The following KPNA3 variants were observed in gnomAD, a reference collection of about 807,000 sequenced individuals.
The protein encoded by KPNA3 is importin subunit alpha-4.
A neutral mutation model predicts 73.8 loss-of-function variants in KPNA3; 13 were observed. The observed-to-expected ratio is 0.18, with a 90% CI of 0.11 to 0.28. The LOEUF (loss-of-function observed/expected upper bound fraction) is 0.28, where lower values mean the gene tolerates loss of function less well. Among genes scored for constraint, KPNA3 ranks in the 10% least tolerant of loss-of-function variants. The pLI is 1.00. For missense variants in KPNA3, 360 were observed against 618.1 expected (o/e 0.58, Z 4.43); for synonymous variants, 186 against 206.9 (o/e 0.90, Z 0.87).
At chr13:49,732,553 T>A (rs1594441171) in intron 5 of KPNA3, 52 bp downstream of exon 5, 2 of 1,478,118 alleles carry the variant, frequency 1.4e-6, no homozygotes, top group East Asian at 4.5e-5. Flanking sequence ...GACTACCAGG[T>A]AACACAACTG....
intron 1 of KPNA3, among the ~76,000 whole-genome samples, chr13:49,750,237 A>G (rs1188656790): frequency 6.6e-6 from 1 of 152,204 alleles, no homozygotes; most frequent in Non-Finnish European, 1.5e-5. Context: ...AGGTCCCAAC[A>G]GGAATGGTTT....
At chr13:49,711,318 T>C (rs926656636) in intron 10 of KPNA3, among the ~76,000 whole-genome samples, 1 of 152,186 alleles carries the variant, frequency 6.6e-6, no homozygotes, top group African/African-American at 2.4e-5. Flanking sequence ...AGAAAAGTAA[T>C]TCTCCCTGCC....
chr13:49,792,327 C>A lies in KPNA3; in HGVS notation c.69+111G>T, dbSNP rs1594469092. On this transcript the variant is annotated intron_variant, in intron 1 of 16. Coordinates refer to ENST00000261667, the MANE Select transcript of KPNA3 (RefSeq NM_002267.4). The stretch of plus-strand genomic sequence containing the variant: ...CGCGGTGACGGGAGGCGGCGGCCAA[C>A]TCCGGCCGACCACAAGCCGACGAGA... 3.1e-5 allele frequency: 18 copies of A among 587,106 alleles called. No homozygotes were observed. The East Asian group carries it at 9.1e-4, about 30-fold the overall frequency. The allele number at this position is 587,106 out of a possible 1,614,324, so 36.4% of individuals were successfully genotyped here. A position where few individuals can be genotyped will look rare whatever the true frequency, so the allele number is the denominator to read the frequency against.
At chr13:49,713,583 G>C (rs1293446076) in intron 10 of KPNA3, among the ~76,000 whole-genome samples, 1 of 136,328 alleles carries the variant, frequency 7.3e-6, no homozygotes, top group East Asian at 2.6e-4. Flanking sequence ...AACCAAAAAG[G>C]CTTTTCTATA....
intron 2 of KPNA3, among the ~76,000 whole-genome samples, chr13:49,741,662 C>G (rs768034372): frequency 2.0e-5 from 3 of 152,256 alleles, no homozygotes; most frequent in Non-Finnish European, 2.9e-5. Context: ...ACCCGTGTTA[C>G]CCAGGATGGT....
At chr13:49,737,379 T>A (rs1237812917) in intron 2 of KPNA3, among the ~76,000 whole-genome samples, 1 of 152,228 alleles carries the variant, frequency 6.6e-6, no homozygotes, top group Non-Finnish European at 1.5e-5. Context: ...CTACTGTTTA[T>A]TTTAGCTGTT....
At chr13:49,728,801 G>A (rs1363004832) in intron 6 of KPNA3, among the ~76,000 whole-genome samples, 1 of 152,206 alleles carries the variant, frequency 6.6e-6, no homozygotes, top group African/African-American at 2.4e-5. Flanking sequence ...CTTTACCAGA[G>A]AGTCTTTCTC....
intron 2 of KPNA3, among the ~76,000 whole-genome samples, chr13:49,742,729 A>G (rs978770653): frequency 1.3e-5 from 2 of 152,116 alleles, no homozygotes; most frequent in African/African-American, 4.8e-5. Flanking sequence ...TAATTCTTCC[A>G]AATCCGTGAA....
At chr13:49,704,714 G>T (rs1954190341) in intron 15 of KPNA3, among the ~76,000 whole-genome samples, 1 of 152,018 alleles carries the variant, frequency 6.6e-6, no homozygotes, top group East Asian at 1.9e-4. Context: ...TGTCATTAAA[G>T]AATAATACAG....
rs1432256712 is a variant in KPNA3, at chr13:49,792,579, G to T, written c.-73C>A. 11 of 801,508 alleles carry T rather than the reference G, an allele frequency of 1.4e-5. No individual in the cohort carries two copies. Among genetic ancestry groups the T allele is most frequent in the Non-Finnish European group, 1.9e-5 (10 of 515,108 alleles). The allele number at this position is 801,508 out of a possible 1,614,324, so 49.6% of individuals were successfully genotyped here. A position where few individuals can be genotyped will look rare whatever the true frequency, so the allele number is the denominator to read the frequency against. On this transcript the variant is annotated 5_prime_UTR_variant, in exon 1 of 17. Transcript: ENST00000261667. ...GCGGCGGCGAATCTTGGAGCGGGAG[G>T]GGGAGGAGGGGGAGAGCGGGAGGGG...
At chr13:49,766,151 T>C (rs923553700) in intron 1 of KPNA3, among the ~76,000 whole-genome samples, 2 of 152,224 alleles carry the variant, frequency 1.3e-5, no homozygotes, top group Non-Finnish European at 2.9e-5. Context: ...AAGCAGCTCG[T>C]GTCACGAAGC....
intron 2 of KPNA3, among the ~76,000 whole-genome samples, chr13:49,745,565 C>G (rs1405135812): frequency 6.6e-6 from 1 of 151,708 alleles, no homozygotes; most frequent in East Asian, 2.0e-4. Context: ...ACCATGTTGG[C>G]CAGGCTGGTC....
chr13:49,710,133 A>G (rs1423775713), intron 11 of KPNA3, among the ~76,000 whole-genome samples: 3 of 152,164 alleles, frequency 2.0e-5, no homozygotes, highest in African/African-American at 4.8e-5. Flanking sequence ...GTGATGGTGC[A>G]TGCCTGTAAT....
chr13:49,744,619 C>T (rs1024122470), intron 2 of KPNA3, among the ~76,000 whole-genome samples: 12 of 152,018 alleles, frequency 7.9e-5, no homozygotes, highest in African/African-American at 1.5e-4. Flanking sequence ...ACTACAGGTG[C>T]GTGCCACCAC....
chr13:49,756,885 C>A (rs577145576), intron 1 of KPNA3, among the ~76,000 whole-genome samples: 1 of 152,128 alleles, frequency 6.6e-6, no homozygotes, highest in African/African-American at 2.4e-5. Context: ...ACAGAGAACC[C>A]AATATAAGCC....
chr13:49,732,303 G>A, intron 6 of KPNA3, 68 bp downstream of exon 6: 1 of 701,058 alleles, frequency 1.4e-6, no homozygotes, highest in Non-Finnish European at 2.5e-6. Flanking sequence ...GAACTCACTG[G>A]TTAAGTAATA....
intron 1 of KPNA3, among the ~76,000 whole-genome samples, chr13:49,774,835 CAACT>C (rs1213852557): frequency 6.6e-6 from 1 of 152,108 alleles, no homozygotes; most frequent in Non-Finnish European, 1.5e-5. Context: ...GTAACTAATA[CAACT>C]AATTAGGAAT....
At position 49,750,373 on chromosome 13, in the gene KPNA3, C is replaced by G. The variant is rs182449380; in HGVS notation, c.70-3380G>C. Among the ~76,000 whole-genome samples the G allele has an allele frequency of 4.8e-4, 73 of 152,314 alleles. No individual in the cohort carries two copies. In the East Asian group the frequency reaches 0.01, roughly 21 times the overall value. On this transcript the variant is annotated intron_variant, in intron 1 of 16. Coordinates refer to ENST00000261667, the MANE Select transcript of KPNA3 (RefSeq NM_002267.4). ...GTCCTTTTAAGGAAAAGTTAGCAGA[C>G]TAGGTGCAGTGGCTCACGCCTGTAA... is the stretch of plus-strand genomic sequence containing the variant.
intron 2 of KPNA3, among the ~76,000 whole-genome samples, chr13:49,740,231 A>AT (rs1954560817): frequency 6.6e-6 from 1 of 151,976 alleles, no homozygotes; most frequent in Non-Finnish European, 1.5e-5. Flanking sequence ...TGGGTGACAG[A>AT]ATGAGACCCC....
Sources: allele counts gnomAD v4.1 joint callset (sites outside exome capture counted in the v4.1 genomes callset), GRCh38; gene constraint gnomAD v4.1.1; transcripts MANE v1.5; gene names NCBI Gene and HGNC (gene_info 2026-07-23, HGNC 2026-07-21).